ENPP2: variants seen among roughly 807,000 people sequenced by gnomAD.
ENPP2 encodes the protein ectonucleotide pyrophosphatase/phosphodiesterase 2.
A neutral mutation model predicts 120.2 loss-of-function variants in ENPP2; 51 were observed. That is an observed-to-expected ratio of 0.42 (90% CI 0.34 to 0.54). The LOEUF is 0.54. Ranked by LOEUF, ENPP2 falls within the 20% of genes least tolerant of loss-of-function variation. The pLI is 0.04. For missense variants in ENPP2, 920 were observed against 1,066.5 expected, an observed-to-expected ratio of 0.86 and a Z score of 1.91; for synonymous variants, 365 against 366.4, an observed-to-expected ratio of 1.00 and a Z score of 0.04.
intron 19 of ENPP2, chr8:119,572,035 C>T: frequency 3.2e-6 from 2 of 620,134 alleles, no homozygotes; most frequent in South Asian, 4.5e-5. Context: ...AATTTGGGGA[C>T]CCACCCCTAA....
At chr8:119,652,005 G>C (rs1817640514) in intron 1 of ENPP2, among the ~76,000 whole-genome samples, 1 of 152,190 alleles carries the variant, frequency 6.6e-6, no homozygotes, top group Non-Finnish European at 1.5e-5. Flanking sequence ...AGATGGTAAA[G>C]TATCTTAGTC....
chr8:119,569,588 CTT>C (rs1278424713), intron 20 of ENPP2, among the ~76,000 whole-genome samples: 1 of 151,968 alleles, frequency 6.6e-6, no homozygotes, highest in African/African-American at 2.4e-5. Flanking sequence ...ACATAACTCT[CTT>C]TATCAAAGTC....
At chr8:119,673,058 C>G (rs1818298880) in intron 1 of ENPP2, among the ~76,000 whole-genome samples, 1 of 152,328 alleles carries the variant, frequency 6.6e-6, no homozygotes, top group East Asian at 1.9e-4. Flanking sequence ...GCAATGAAAA[C>G]TTGAAATGAG....
At chr8:119,595,842 C>G in intron 11 of ENPP2, 1 of 1,613,682 alleles carries the variant, frequency 6.2e-7, no homozygotes, top group Non-Finnish European at 8.5e-7. Flanking sequence ...AATAGATAAA[C>G]TTACTTTGTC....
intron 23 of ENPP2, among the ~76,000 whole-genome samples, chr8:119,563,933 G>A (rs1814176322): frequency 6.6e-6 from 1 of 150,590 alleles, no homozygotes. Flanking sequence ...TTTCATGCTT[G>A]TATAAAATTA....
chr8:119,619,167 A>T, intron 5 of ENPP2, 77 bp downstream of exon 5: 3 of 1,072,546 alleles, frequency 2.8e-6, no homozygotes, highest in Non-Finnish European at 4.3e-6. Context: ...TTGTTTCTAA[A>T]TACTTCTCTT....
At chr8:119,646,528 T>C (rs144223149) in intron 1 of ENPP2, among the ~76,000 whole-genome samples, 8 of 152,278 alleles carry the variant, frequency 5.3e-5, no homozygotes, top group African/African-American at 1.4e-4. Context: ...ACCAGGCTCA[T>C]AGGACCCTAG....
chr8:119,558,037 G>C (rs1479771688), intron 24 of ENPP2, among the ~76,000 whole-genome samples: 1 of 152,178 alleles, frequency 6.6e-6, no homozygotes, highest in African/African-American at 2.4e-5. Flanking sequence ...TTTCCAAGCT[G>C]TCAAATTGCA....
At chr8:119,666,469 A>G (rs920339837) in intron 1 of ENPP2, among the ~76,000 whole-genome samples, 7 of 152,166 alleles carry the variant, frequency 4.6e-5, no homozygotes, top group African/African-American at 1.7e-4. Flanking sequence ...AACCTATCAC[A>G]TTATAAAAAG....
rs1815462103 is a variant in ENPP2, at chr8:119,616,396, A to G, written c.658-12T>C. On this transcript the variant is annotated splice_polypyrimidine_tract_variant and intron_variant, in intron 7 of 24. Transcript: ENST00000075322. ...TCTGGATATAGCCCCTTTTTGTAAA[A>G]GCAAATTTATTGTTAAAATAACAAT... 6.4e-7 allele frequency: 1 copy of G among 1,572,762 alleles called. No individual in the cohort carries two copies. The highest frequency in any genetic ancestry group is 1.7e-5 in the Admixed American group (1 of 59,024).
upstream of ENPP2, among the ~76,000 whole-genome samples, chr8:119,642,343 G>T (rs1290755152): frequency 6.6e-6 from 1 of 151,940 alleles, no homozygotes; most frequent in African/African-American, 2.4e-5. Flanking sequence ...TTTGTTTACT[G>T]ACATACTTTG....
At chr8:119,617,926 G>A (rs1020813020) in intron 5 of ENPP2, among the ~76,000 whole-genome samples, 12 of 152,108 alleles carry the variant, frequency 7.9e-5, no homozygotes, top group African/African-American at 2.4e-5. Flanking sequence ...TCCAGCCTGG[G>A]CGACAAGAGT....
At chr8:119,578,537 C>G (rs1467981880) in intron 19 of ENPP2, 1 of 152,174 alleles carries the variant, frequency 6.6e-6, no homozygotes, top group Admixed American at 6.5e-5. Context: ...TCATTAGTGA[C>G]TTTTAGAAGA....
chr8:119,600,192 T>C (rs1312977237), intron 11 of ENPP2, among the ~76,000 whole-genome samples: 1 of 152,186 alleles, frequency 6.6e-6, no homozygotes, highest in Non-Finnish European at 1.5e-5. Flanking sequence ...TCCATTACTA[T>C]AACTTATGCC....
chr8:119,617,146 A>T lies in ENPP2; in HGVS notation c.657+18T>A, dbSNP rs1365334542. On this transcript the variant is annotated intron_variant, in intron 7 of 24. Transcript: ENST00000075322. ...GAAATCAGCCCTTTGAATGTGTATC[A>T]TTCGAAAAAATACTTACAGTGGCCA... is the stretch of plus-strand genomic sequence containing the variant. 1 of 1,518,042 alleles carries T rather than the reference A, an allele frequency of 6.6e-7. No individual in the cohort carries two copies. The highest frequency in any genetic ancestry group is 1.1e-5 in the South Asian group (1 of 89,092). The allele number at this position is 1,518,042 out of a possible 1,614,324, so 94.0% of individuals were successfully genotyped here. A position where few individuals can be genotyped will look rare whatever the true frequency, so the allele number is the denominator to read the frequency against.
intron 1 of ENPP2, among the ~76,000 whole-genome samples, chr8:119,643,864 T>C (rs186961815): frequency 6.6e-6 from 1 of 152,190 alleles, no homozygotes; most frequent in Admixed American, 6.5e-5. Context: ...TGAGCTGCGA[T>C]TGGAAGGGTG....
chr8:119,565,004 CT>C, intron 22 of ENPP2, 49 bp from the exon 23 acceptor site: 1 of 1,562,370 alleles, frequency 6.4e-7, no homozygotes, highest in Non-Finnish European at 8.8e-7. Context: ...AAGAAAACTC[CT>C]TACTCTAGCC....
At chr8:119,609,210 G>T (rs1203340670) in intron 8 of ENPP2, among the ~76,000 whole-genome samples, 1 of 152,268 alleles carries the variant, frequency 6.6e-6, no homozygotes, top group African/African-American at 2.4e-5. Context: ...TACCTGCCCT[G>T]GGAAAGCTCG....
Position 119,582,531 on chromosome 8 carries a change from T to C in ENPP2, c.1615A>G (p.Thr539Ala), listed in dbSNP as rs1434329243. Residue 539 changes from threonine (T) to alanine (A), a missense_variant, in exon 18 of 25, where the codon ACC (threonine) becomes GCC (alanine). Transcript: ENST00000075322. ...TCCTCTGGCATGGTTGGCCTGAAGGTATTAGTGCGCAGGAGATGATTCAAA... is the reference window on the plus strand; with the variant it reads ...TCCTCTGGCATGGTTGGCCTGAAGGCATTAGTGCGCAGGAGATGATTCAAA... ...GSLNHLLRTN[T>A]FRPTMPEEVT... 6.2e-7 allele frequency: 1 copy of C among 1,613,540 alleles called. No homozygotes were observed. Among genetic ancestry groups the C allele is most frequent in the African/African-American group, 1.3e-5 (1 of 74,894 alleles).
Sources: allele counts gnomAD v4.1 joint callset (sites outside exome capture counted in the v4.1 genomes callset), GRCh38; gene constraint gnomAD v4.1.1; transcripts MANE v1.5; gene names NCBI Gene and HGNC (gene_info 2026-07-23, HGNC 2026-07-21).